The following ZNF721 variants were observed in gnomAD, a reference collection of about 807,000 sequenced individuals.
ZNF721 encodes zinc finger protein 721.
Under a neutral mutation model 2.4 loss-of-function variants are expected in ZNF721, and 2 were observed. The ratio of observed to expected loss-of-function variants is 0.82; its 90% confidence interval spans 0.34 to 2.58. ZNF721 has a LOEUF of 2.58. ZNF721 is among the 30% of genes most tolerant of loss of function. The probability of loss-of-function intolerance (pLI) is 0.11; values close to 1 mark genes in which losing one functional copy is unlikely to be tolerated. For missense variants in ZNF721, 1,187 were observed against 1,085.5 expected, an observed-to-expected ratio of 1.09 and a Z score of -1.31; for synonymous variants, 398 against 381.8, an observed-to-expected ratio of 1.04 and a Z score of -0.50.
chr4:477,980 T>C (rs1553868856), intron 1 of ZNF721, among the ~76,000 whole-genome samples: 1 of 152,164 alleles, frequency 6.6e-6, no homozygotes, highest in Admixed American at 6.5e-5. Context: ...GGCAAAGATT[T>C]ACCACAGAAG....
At chr4:470,546 T>C (rs1715399297) in intron 2 of ZNF721, among the ~76,000 whole-genome samples, 1 of 152,032 alleles carries the variant, frequency 6.6e-6, no homozygotes. Context: ...AAACCCCATC[T>C]CTACTAAAAA....
chr4:455,728 AAAAG>A (rs1256359720), intron 2 of ZNF721, among the ~76,000 whole-genome samples: 1 of 152,228 alleles, frequency 6.6e-6, no homozygotes, highest in African/African-American at 2.4e-5. Context: ...GAGCTGAAGA[AAAAG>A]AAAAAAATGG....
intron 1 of ZNF721, among the ~76,000 whole-genome samples, chr4:477,254 CTTTTTTT>C (rs35272784): frequency 2.7e-5 from 2 of 74,166 alleles, no homozygotes; most frequent in African/African-American, 1.1e-4. Context: ...TGGTGAGTTC[CTTTTTTT>C]TTTTTTTTTT....
chr4:461,736 G>C (rs1715078640), intron 2 of ZNF721, among the ~76,000 whole-genome samples: 1 of 152,156 alleles, frequency 6.6e-6, no homozygotes, highest in South Asian at 2.1e-4. Flanking sequence ...AGCCAGGCGT[G>C]GTGGCACATG....
intron 1 of ZNF721, among the ~76,000 whole-genome samples, chr4:483,409 G>T (rs1553869808): frequency 6.6e-6 from 1 of 152,034 alleles, no homozygotes; most frequent in African/African-American, 2.4e-5. Context: ...AAATTTAGCT[G>T]GGCATGGTGG....
At chr4:474,753 G>A (rs897919949) in intron 1 of ZNF721, among the ~76,000 whole-genome samples, 2 of 151,928 alleles carry the variant, frequency 1.3e-5, no homozygotes, top group South Asian at 2.1e-4. Context: ...GTGGGCGCCT[G>A]TAATCCCAGC....
chr4:442,702 C>T lies in ZNF721; in HGVS notation c.1765G>A (p.Glu589Lys), dbSNP rs1553863427. 6.2e-7 allele frequency: 1 copy of T among 1,614,234 alleles called. No individual in the cohort carries two copies. Among genetic ancestry groups the T allele is most frequent in the Non-Finnish European group, 8.5e-7 (1 of 1,180,038 alleles). Reference sequence around the variant, plus strand: ...TACCGTCCAAAGGCTTTGCCACACTCTTCACATTTGTAAGGTTTCTCTCCA... The same window carrying T: ...TACCGTCCAAAGGCTTTGCCACACTTTTCACATTTGTAAGGTTTCTCTCCA... ...HTGEKPYKCE[E>K]CGKAFGRYTD... Residue 589 changes from glutamate (E) to lysine (K), a missense_variant, in exon 3 of 3, where the codon GAG (glutamate) becomes AAG (lysine). Transcript: ENST00000511833.
chr4:472,689 A>G lies in ZNF721; in HGVS notation c.-81T>C. 1.2e-6 allele frequency: 2 copies of G among 1,612,300 alleles called. No homozygotes were observed. The highest frequency in any genetic ancestry group is 1.3e-5 in the African/African-American group (1 of 74,908). ...GAGAATTCTATGGCCACATCCCTGA[A>G]TGTTAAGGGTTCCTGAAAATACATA... On this transcript the variant is annotated 5_prime_UTR_variant, in exon 2 of 3. Transcript: ENST00000511833.
chr4:488,009 C>A (rs1576973054), intron 1 of ZNF721, among the ~76,000 whole-genome samples: 1 of 152,148 alleles, frequency 6.6e-6, no homozygotes, highest in Non-Finnish European at 1.5e-5. Flanking sequence ...GGTACCAATT[C>A]GCCTCAGCCT....
intron 1 of ZNF721, among the ~76,000 whole-genome samples, chr4:489,543 C>A (rs139196555): frequency 5.2e-4 from 79 of 152,286 alleles, no homozygotes; most frequent in Middle Eastern, 3.4e-3. Context: ...CAGCTTGCAG[C>A]CCCTGCTCTC....
At chr4:456,651 T>C (rs1247955047) in intron 2 of ZNF721, among the ~76,000 whole-genome samples, 1 of 152,122 alleles carries the variant, frequency 6.6e-6, no homozygotes, top group Non-Finnish European at 1.5e-5. Flanking sequence ...GAGGCCAATG[T>C]GGGCGGATCA....
intron 2 of ZNF721, among the ~76,000 whole-genome samples, chr4:460,358 G>T (rs1553865886): frequency 6.6e-6 from 1 of 152,008 alleles, no homozygotes; most frequent in Non-Finnish European, 1.5e-5. Flanking sequence ...ACGAAATTAA[G>T]GTAGAAATAA....
intron 1 of ZNF721, among the ~76,000 whole-genome samples, chr4:492,479 T>A (rs1244145850): frequency 6.6e-6 from 1 of 152,110 alleles, no homozygotes; most frequent in Non-Finnish European, 1.5e-5. Flanking sequence ...CAAGAGTAAA[T>A]CGATCCCTTA....
chr4:479,589 G>C (rs1275243277), intron 1 of ZNF721, among the ~76,000 whole-genome samples: 1 of 152,264 alleles, frequency 6.6e-6, no homozygotes, highest in African/African-American at 2.4e-5. Context: ...ACAGATGCAA[G>C]GGCCCTGATG....
In ZNF721 at chr4:443,860, C is replaced by T. The variant is rs782656713; in HGVS notation, c.607G>A (p.Gly203Arg). The T allele has an allele frequency of 8.7e-6, 14 of 1,613,768 alleles. No homozygotes were observed. Among genetic ancestry groups the T allele is most frequent in the Non-Finnish European group, 1.2e-5 (14 of 1,179,888 alleles). Residue 203 changes from glycine to arginine, a missense_variant, in exon 3 of 3, where the codon GGA (glycine) becomes AGA (arginine). Physicochemically the swap from Gly to Arg is moderately radical, Grantham distance 125. Coordinates refer to ENST00000511833, the MANE Select transcript of ZNF721 (RefSeq NM_133474.4). ...TATTCATTCAGGTTTGTGGACCATC[C>T]AAAGGCTCTGTCACGATCTTCACCT... is the stretch of plus-strand genomic sequence containing the variant. ...YTGEDRDRAFGWSTNLNEYKK... is the reference protein window; with the variant it reads ...YTGEDRDRAFRWSTNLNEYKK...
chr4:473,434 C>T (rs1553868063), intron 1 of ZNF721, among the ~76,000 whole-genome samples: 3 of 152,112 alleles, frequency 2.0e-5, no homozygotes, highest in African/African-American at 7.2e-5. Context: ...AGCAGCCACG[C>T]GGAGGAGGCG....
Position 442,160 on chromosome 4 carries a change from A to G in ZNF721, c.2307T>C (p.Asn769=). The G allele has an allele frequency of 2.5e-6, 4 of 1,613,236 alleles. No homozygotes were observed. The highest frequency in any genetic ancestry group is 1.7e-5 in the Admixed American group (1 of 59,864). The change falls in exon 3 of 3, where the codon AAT becomes AAC. Residue 769 remains asparagine (N), a synonymous_variant. Transcript: ENST00000511833. ...TTCCAGTATGAATTTTCTCATGTCT[A>G]TTCAGGTGTGAGGACTGTTTAAACA... The part of the protein sequence containing the change: ...GKVFKQSSHL[N]RHEKIHTGKK...
chr4:458,640 G>A (rs989574164), intron 2 of ZNF721, among the ~76,000 whole-genome samples: 3 of 152,166 alleles, frequency 2.0e-5, no homozygotes, highest in African/African-American at 7.2e-5. Context: ...AAGGTCAGGA[G>A]TTCGAGACCA....
Position 442,051 on chromosome 4 carries a change from C to T in ZNF721, c.2416G>A (p.Glu806Lys). ...FAKHKRIHTG[E>K]KPFKCLECGK... Reference sequence around the variant, plus strand: ...CATTCTAAACATTTAAAGGGTTTCTCACCTGTATGAATCCTCTTATGTTTA... The same window carrying T: ...CATTCTAAACATTTAAAGGGTTTCTTACCTGTATGAATCCTCTTATGTTTA... The change falls in exon 3 of 3, where the codon GAG becomes AAG. Residue 806 changes from glutamate (E) to lysine (K), a missense_variant. Coordinates refer to ENST00000511833, the MANE Select transcript of ZNF721 (RefSeq NM_133474.4). The T allele has an allele frequency of 1.2e-6, 2 of 1,613,920 alleles. No individual in the cohort carries two copies. The highest frequency in any genetic ancestry group is 1.7e-6 in the Non-Finnish European group (2 of 1,179,844).
Sources: gnomAD v4.1 joint callset for allele counts (sites outside exome capture counted in the v4.1 genomes callset) on GRCh38, gnomAD v4.1.1 for gene constraint, MANE v1.5 for transcripts, NCBI Gene and HGNC (gene_info 2026-07-23, HGNC 2026-07-21) for gene names.